Variants in MSH3 observed in about 807,000 individuals in gnomAD.
MSH3 encodes the protein mutS homolog 3.
Under a neutral mutation model 123.3 loss-of-function variants are expected in MSH3, and 106 were observed. That is an observed-to-expected ratio of 0.86 (90% CI 0.73 to 1.01). The LOEUF is 1.01. Ranked by LOEUF, MSH3 falls within the 50% of genes least tolerant of loss-of-function variation. MSH3 has a pLI of 0.00. For missense variants in MSH3, 1,459 were observed against 1,347.6 expected (o/e 1.08, Z -1.29); for synonymous variants, 515 against 481.4 (o/e 1.07, Z -0.91).
At chr5:80,836,981 T>G (rs886556419) in intron 20 of MSH3, among the ~76,000 whole-genome samples, 1 of 152,078 alleles carries the variant, frequency 6.6e-6, no homozygotes, top group Non-Finnish European at 1.5e-5. Flanking sequence ...CAAGGATAAA[T>G]TGTTGTCATG....
At chr5:80,672,143 C>T (rs1749737865) in intron 4 of MSH3, 101 bp from the exon 5 acceptor site, 8 of 880,480 alleles carry the variant, frequency 9.1e-6, no homozygotes, top group Non-Finnish European at 1.5e-5. Context: ...GTGTACAAAT[C>T]CTAAATGTAT....
At chr5:80,834,285 A>C (rs933841236) in intron 20 of MSH3, among the ~76,000 whole-genome samples, 2 of 152,034 alleles carry the variant, frequency 1.3e-5, no homozygotes, top group African/African-American at 4.8e-5. Flanking sequence ...TCTTAACCAG[A>C]GCAAACATCA....
intron 19 of MSH3, among the ~76,000 whole-genome samples, chr5:80,793,834 T>C (rs750348707): frequency 6.0e-4 from 91 of 152,344 alleles, no homozygotes; most frequent in Non-Finnish European, 1.1e-3. Context: ...AGTGAAGTTA[T>C]GGCAGGGTGT....
chr5:80,664,784 C>T (rs1368844588), intron 2 of MSH3, among the ~76,000 whole-genome samples: 1 of 151,938 alleles, frequency 6.6e-6, no homozygotes, highest in Non-Finnish European at 1.5e-5. Context: ...CTCAGGTGTG[C>T]TGAATTGGTT....
chr5:80,658,035 C>CCTTTTTTTTTTTTTTTTT (rs369384745), intron 2 of MSH3, among the ~76,000 whole-genome samples: 1 of 87,214 alleles, frequency 1.1e-5, no homozygotes. Context: ...GCTTTTTGCC[C>CCTTTTTTTTTTTTTTTTT]TCTTTTTTTT....
intron 8 of MSH3, among the ~76,000 whole-genome samples, chr5:80,681,136 T>C (rs532878251): frequency 4.6e-5 from 7 of 152,324 alleles, no homozygotes; most frequent in African/African-American, 1.7e-4. Flanking sequence ...ATTTAAATAA[T>C]CTTTGCCAGT....
At chr5:80,660,095 A>G (rs1749396649) in intron 2 of MSH3, among the ~76,000 whole-genome samples, 1 of 152,198 alleles carries the variant, frequency 6.6e-6, no homozygotes, top group Admixed American at 6.5e-5. Context: ...GCTGATAAAG[A>G]CATACCAGAG....
chr5:80,767,316 G>T (rs539264907), intron 13 of MSH3, among the ~76,000 whole-genome samples: 34 of 152,238 alleles, frequency 2.2e-4, no homozygotes, highest in South Asian at 4.1e-4. Flanking sequence ...TTTCAAAAAG[G>T]TTAGTCCTCT....
At chr5:80,821,650 C>G (rs1745206862) in intron 20 of MSH3, among the ~76,000 whole-genome samples, 1 of 152,218 alleles carries the variant, frequency 6.6e-6, no homozygotes, top group Admixed American at 6.5e-5. Context: ...AGTTTATCAA[C>G]CTTCAGGTCA....
chr5:80,777,575 A>G (rs564062099), intron 16 of MSH3, among the ~76,000 whole-genome samples: 1 of 152,336 alleles, frequency 6.6e-6, no homozygotes, highest in African/African-American at 2.4e-5. Flanking sequence ...GCAAGGCATA[A>G]ATCAGTGACA....
chr5:80,859,212 C>A (rs2112112145), intron 21 of MSH3, among the ~76,000 whole-genome samples: 1 of 152,202 alleles, frequency 6.6e-6, no homozygotes, highest in Non-Finnish European at 1.5e-5. Flanking sequence ...CCTCTGCCTC[C>A]CAGATTCAAG....
At chr5:80,855,896 T>C (rs542608134) in intron 21 of MSH3, 1 of 81,286 alleles carries the variant, frequency 1.2e-5, no homozygotes, top group Non-Finnish European at 2.6e-5. Context: ...TTTTTTTTTT[T>C]CTTTTTTGAA....
chr5:80,684,728 G>A (rs1488012032), intron 8 of MSH3, among the ~76,000 whole-genome samples: 1 of 152,074 alleles, frequency 6.6e-6, no homozygotes, highest in Non-Finnish European at 1.5e-5. Context: ...GTGGTAGTGG[G>A]CATCATTATC....
chr5:80,832,027 G>A (rs1284441059), intron 20 of MSH3, among the ~76,000 whole-genome samples: 6 of 151,902 alleles, frequency 3.9e-5, no homozygotes, highest in South Asian at 2.1e-4. Context: ...GGAGAATGGC[G>A]TGAACCCGGG....
chr5:80,692,437 C>T (rs1404309248), intron 8 of MSH3, among the ~76,000 whole-genome samples: 1 of 36,796 alleles, frequency 2.7e-5, no homozygotes. Flanking sequence ...GATAGATAAA[C>T]ATGTATATGT....
chr5:80,867,868 C>T (rs760428134), intron 22 of MSH3, among the ~76,000 whole-genome samples: 5 of 152,114 alleles, frequency 3.3e-5, no homozygotes, highest in South Asian at 2.1e-4. Flanking sequence ...CCATTCTGTA[C>T]GTTGCCTGTT....
chr5:80,659,429 G>A (rs1749377177), intron 2 of MSH3, among the ~76,000 whole-genome samples: 1 of 151,998 alleles, frequency 6.6e-6, no homozygotes, highest in South Asian at 2.1e-4. Flanking sequence ...CCAGCCCTAG[G>A]TAACCACTAA....
chr5:80,854,358 T>C, intron 21 of MSH3, 42 bp downstream of exon 21: 1 of 1,536,346 alleles, frequency 6.5e-7, no homozygotes, highest in Non-Finnish European at 9.0e-7. Flanking sequence ...AATTAATTTG[T>C]AAATTATTAT....
At chr5:80,748,293 ACTTT>A (rs771289489) in intron 12 of MSH3, among the ~76,000 whole-genome samples, 1 of 152,150 alleles carries the variant, frequency 6.6e-6, no homozygotes, top group Non-Finnish European at 1.5e-5. Context: ...GTTTCAGAAG[ACTTT>A]CCACTCCCGT....
Sources: gnomAD v4.1 joint callset for allele counts (sites outside exome capture counted in the v4.1 genomes callset) on GRCh38, gnomAD v4.1.1 for gene constraint, MANE v1.5 for transcripts, NCBI Gene and HGNC (gene_info 2026-07-23, HGNC 2026-07-21) for gene names.